Variants in ADAMTSL1 observed in about 807,000 individuals in gnomAD.
ADAMTSL1 encodes ADAMTS like 1, also known as ADAMTS-like protein 1.
In ADAMTSL1, 126 loss-of-function variants were observed where a neutral mutation model predicts 201.8. The observed-to-expected ratio is 0.62, with a 90% CI of 0.54 to 0.72. ADAMTSL1 has a LOEUF of 0.72. Ranked by LOEUF, ADAMTSL1 falls within the 30% of genes least tolerant of loss-of-function variation. The probability of loss-of-function intolerance (pLI) is 0.00; values close to 1 mark genes in which losing one functional copy is unlikely to be tolerated. For synonymous variants in ADAMTSL1, 1,121 were observed against 903.4 expected (o/e 1.24, Z -4.32); for missense variants, 2,679 against 2,277.8 (o/e 1.18, Z -3.59).
At chr9:18,518,546 C>G (rs1273853763) in intron 2 of ADAMTSL1, among the ~76,000 whole-genome samples, 1 of 152,108 alleles carries the variant, frequency 6.6e-6, no homozygotes, top group Non-Finnish European at 1.5e-5. Context: ...ATCTAGTCAT[C>G]CATTGATGGA....
chr9:18,894,084 A>G (rs1829462910), intron 26 of ADAMTSL1, among the ~76,000 whole-genome samples: 2 of 152,268 alleles, frequency 1.3e-5, no homozygotes, highest in Non-Finnish European at 1.5e-5. Context: ...CCTGGAAAGC[A>G]GGTGCAAGAC....
intron 15 of ADAMTSL1, among the ~76,000 whole-genome samples, chr9:18,737,762 T>G (rs1200556029): frequency 6.6e-6 from 1 of 152,228 alleles, no homozygotes; most frequent in Non-Finnish European, 1.5e-5. Flanking sequence ...ATTAAGCAAC[T>G]TGTCCAAATA....
chr9:18,893,800 G>A (rs1829444855), intron 26 of ADAMTSL1, among the ~76,000 whole-genome samples: 1 of 152,214 alleles, frequency 6.6e-6, no homozygotes, highest in Admixed American at 6.5e-5. Flanking sequence ...TTGGAATAGT[G>A]TTATGCAAAT....
intron 2 of ADAMTSL1, among the ~76,000 whole-genome samples, chr9:18,531,860 G>A (rs933612315): frequency 6.6e-6 from 1 of 152,152 alleles, no homozygotes; most frequent in Non-Finnish European, 1.5e-5. Flanking sequence ...GAGTTCCGAA[G>A]CCAGATGGCC....
intron 15 of ADAMTSL1, among the ~76,000 whole-genome samples, chr9:18,737,882 A>G (rs544136347): frequency 3.9e-4 from 60 of 152,330 alleles, no homozygotes; most frequent in African/African-American, 1.4e-3. Flanking sequence ...TTCGGAATGT[A>G]GTATCTAGAG....
chr9:18,481,652 C>T (rs1563986602), intron 1 of ADAMTSL1, among the ~76,000 whole-genome samples: 1 of 152,008 alleles, frequency 6.6e-6, no homozygotes. Context: ...ATCCTTTTAT[C>T]CCTGTGTAAA....
At chr9:18,086,487 A>G (rs2131797773) in intron 1 of ADAMTSL1, among the ~76,000 whole-genome samples, 1 of 152,242 alleles carries the variant, frequency 6.6e-6, no homozygotes. Context: ...TTAAAGTTAG[A>G]TCAAAATCTC....
intron 4 of ADAMTSL1, among the ~76,000 whole-genome samples, 160 bp from the exon 5 acceptor site, chr9:18,622,083 T>C (rs936390049): frequency 6.6e-6 from 1 of 152,194 alleles, no homozygotes; most frequent in Non-Finnish European, 1.5e-5. Context: ...TTTTTCTTTC[T>C]TAGCTTGATT....
At chr9:18,704,470 A>G (rs1240078595) in intron 13 of ADAMTSL1, among the ~76,000 whole-genome samples, 1 of 152,232 alleles carries the variant, frequency 6.6e-6, no homozygotes, top group Non-Finnish European at 1.5e-5. Context: ...CCACACTATT[A>G]AAGAAGTATT....
chr9:18,316,742 G>A (rs139047520), intron 2 of ADAMTSL1, among the ~76,000 whole-genome samples: 2,838 of 152,268 alleles, frequency 0.019, 75 homozygotes, highest in African/African-American at 0.063. Context: ...CAGCTGACAA[G>A]ATTAAGAGAT....
At chr9:18,113,430 T>C (rs182474115) in intron 1 of ADAMTSL1, among the ~76,000 whole-genome samples, 30 of 152,238 alleles carry the variant, frequency 2.0e-4, no homozygotes, top group Non-Finnish European at 3.4e-4. Context: ...TTAGCAAGAT[T>C]GACGGTGAGA....
At chr9:18,878,925 TGA>T (rs1487851408) in intron 23 of ADAMTSL1, among the ~76,000 whole-genome samples, 5 of 152,164 alleles carry the variant, frequency 3.3e-5, no homozygotes, top group Non-Finnish European at 7.3e-5. Context: ...CTAGGATCTC[TGA>T]GAGGGCACAA....
chr9:18,684,839 T>C (rs41268981), intron 13 of ADAMTSL1, 39 bp downstream of exon 13: 2 of 1,090,148 alleles, frequency 1.8e-6, no homozygotes, highest in African/African-American at 1.5e-5. Context: ...TATTTGAAAC[T>C]GTTTTGTTTA....
intron 2 of ADAMTSL1, among the ~76,000 whole-genome samples, chr9:18,341,790 T>C (rs146599165): frequency 6.6e-6 from 1 of 152,232 alleles, no homozygotes; most frequent in East Asian, 1.9e-4. Flanking sequence ...TGGATAAATG[T>C]TTACCCATTG....
intron 1 of ADAMTSL1, among the ~76,000 whole-genome samples, chr9:17,951,107 TG>T (rs1827711665): frequency 1.3e-5 from 2 of 152,140 alleles, no homozygotes; most frequent in Admixed American, 6.5e-5. Flanking sequence ...ATCTTCCTTG[TG>T]GGGCATCCCA....
At chr9:18,330,722 C>T (rs1251202355) in intron 2 of ADAMTSL1, among the ~76,000 whole-genome samples, 1 of 152,180 alleles carries the variant, frequency 6.6e-6, no homozygotes, top group African/African-American at 2.4e-5. Context: ...CACCTAGTGA[C>T]TCCCTATAGA....
At chr9:18,714,444 AC>A (rs1372645283) in intron 14 of ADAMTSL1, among the ~76,000 whole-genome samples, 1 of 152,220 alleles carries the variant, frequency 6.6e-6, no homozygotes, top group Non-Finnish European at 1.5e-5. Flanking sequence ...AATACAAAGT[AC>A]CATCAGAGAA....
intron 3 of ADAMTSL1, among the ~76,000 whole-genome samples, chr9:18,534,210 G>T (rs1351282609): frequency 2.0e-5 from 3 of 152,110 alleles, no homozygotes; most frequent in African/African-American, 4.8e-5. Flanking sequence ...TGATACAAGG[G>T]TTGCACTGGA....
intron 2 of ADAMTSL1, among the ~76,000 whole-genome samples, chr9:18,389,583 T>C (rs530220962): frequency 6.6e-6 from 1 of 152,310 alleles, no homozygotes; most frequent in East Asian, 1.9e-4. Flanking sequence ...GCTCCTCTTG[T>C]GTCATAGATC....
Sources: gnomAD v4.1 joint callset for allele counts (sites outside exome capture counted in the v4.1 genomes callset) on GRCh38, gnomAD v4.1.1 for gene constraint, MANE v1.5 for transcripts, NCBI Gene and HGNC (gene_info 2026-07-23, HGNC 2026-07-21) for gene names.